The following SLC7A1 variants were observed in gnomAD, a reference collection of about 807,000 sequenced individuals.
SLC7A1 encodes the protein high affinity cationic amino acid transporter 1.
A neutral mutation model predicts 53.9 loss-of-function variants in SLC7A1; 10 were observed. The observed-to-expected ratio is 0.19, with a 90% CI of 0.11 to 0.31. The LOEUF is 0.31. SLC7A1 is among the 10% of genes least tolerant of loss of function. The probability of loss-of-function intolerance (pLI) is 1.00; values close to 1 mark genes in which losing one functional copy is unlikely to be tolerated. For synonymous variants in SLC7A1, 342 were observed against 338.7 expected, an observed-to-expected ratio of 1.01 and a Z score of -0.11; for missense variants, 525 against 827.2, an observed-to-expected ratio of 0.63 and a Z score of 4.48.
intron 1 of SLC7A1, among the ~76,000 whole-genome samples, chr13:29,563,963 C>T (rs1420633721): frequency 1.3e-5 from 2 of 152,150 alleles, no homozygotes; most frequent in Non-Finnish European, 2.9e-5. Flanking sequence ...GCTCTGCCGG[C>T]CAATGAGAAT....
At chr13:29,590,754 A>G (rs1429515447) in intron 1 of SLC7A1, among the ~76,000 whole-genome samples, 1 of 152,180 alleles carries the variant, frequency 6.6e-6, no homozygotes, top group East Asian at 1.9e-4. Flanking sequence ...AGGAAAGAGC[A>G]CAACATTTTA....
chr13:29,552,886 G>C (rs1054167399), intron 2 of SLC7A1, among the ~76,000 whole-genome samples: 1 of 152,154 alleles, frequency 6.6e-6, no homozygotes, highest in African/African-American at 2.4e-5. Flanking sequence ...CGCTGGGTTA[G>C]GGTCTCCGAC....
chr13:29,544,911 C>G (rs1248028708), intron 2 of SLC7A1, among the ~76,000 whole-genome samples: 1 of 151,808 alleles, frequency 6.6e-6, no homozygotes, highest in Non-Finnish European at 1.5e-5. Context: ...ACTCGGCCCC[C>G]TCAAGATGCT....
chr13:29,577,597 GC>G lies in SLC7A1; in HGVS notation c.-115+17818del, dbSNP rs550969102. 4.5e-4 allele frequency among the ~76,000 whole-genome samples: 69 copies of G among 152,350 alleles called. No individual in the cohort carries two copies. The South Asian group carries it at 0.014, about 31-fold the overall frequency. On this transcript the variant is annotated intron_variant, in intron 1 of 12. Transcript: ENST00000380752. ...AGAGAGTTGTGTCCACGCTGGGGCT[GC>G]AACTTGCTTTGCAATGACGTGCAGA...
chr13:29,526,048 C>A (rs1212122331), intron 5 of SLC7A1, among the ~76,000 whole-genome samples: 1 of 152,154 alleles, frequency 6.6e-6, no homozygotes, highest in African/African-American at 2.4e-5. Flanking sequence ...GAGGATGAGG[C>A]CAAGGGAGGA....
chr13:29,524,604 G>T (rs887406859), intron 5 of SLC7A1, among the ~76,000 whole-genome samples: 1 of 152,190 alleles, frequency 6.6e-6, no homozygotes, highest in African/African-American at 2.4e-5. Context: ...TCTCCCCAGG[G>T]CCCCTCGGAG....
chr13:29,544,845 G>C (rs930889281), intron 2 of SLC7A1, among the ~76,000 whole-genome samples: 1 of 139,274 alleles, frequency 7.2e-6, no homozygotes, highest in East Asian at 2.1e-4. Flanking sequence ...AGGGGGCACA[G>C]GTGACATCGC....
chr13:29,538,706 A>G (rs1360910574), intron 2 of SLC7A1, among the ~76,000 whole-genome samples: 1 of 152,250 alleles, frequency 6.6e-6, no homozygotes, highest in Non-Finnish European at 1.5e-5. Flanking sequence ...AAGCACAACA[A>G]AGCGTTTAGT....
At position 29,524,210 on chromosome 13, in the gene SLC7A1, A is replaced by G. The variant is rs1208707220; in HGVS notation, c.748T>C (p.Phe250Leu). 1.2e-6 allele frequency: 2 copies of G among 1,614,210 alleles called. No homozygotes were observed. The highest frequency in any genetic ancestry group is 2.2e-5 in the East Asian group (1 of 44,880). ...CCCGACAGGACACCAGAGAACCCGA[A>G]GGGCATGAATCCACCAACACCGGGC... The part of the protein sequence containing the change: ...GKPGVGGFMP[F>L]GFSGVLSGAA... Residue 250 changes from phenylalanine to leucine, a missense_variant, in exon 6 of 13, where the codon TTC becomes CTC. Transcript: ENST00000380752.
At chr13:29,592,006 C>T (rs1355759718) in intron 1 of SLC7A1, among the ~76,000 whole-genome samples, 1 of 152,112 alleles carries the variant, frequency 6.6e-6, no homozygotes, top group Non-Finnish European at 1.5e-5. Context: ...CAGGCTCTCC[C>T]AATATACAGA....
At chr13:29,526,069 A>C (rs994155361) in intron 5 of SLC7A1, among the ~76,000 whole-genome samples, 4 of 152,224 alleles carry the variant, frequency 2.6e-5, no homozygotes, top group Non-Finnish European at 5.9e-5. Flanking sequence ...GGGGAACTCA[A>C]GAGTCAAAAT....
chr13:29,542,649 TCCA>T (rs1869717230), intron 2 of SLC7A1, among the ~76,000 whole-genome samples: 1 of 143,100 alleles, frequency 7.0e-6, no homozygotes, highest in South Asian at 2.2e-4. Flanking sequence ...CACACCGCAC[TCCA>T]GCACTCCAGA....
At chr13:29,579,507 C>G (rs924752997) in intron 1 of SLC7A1, among the ~76,000 whole-genome samples, 4 of 152,100 alleles carry the variant, frequency 2.6e-5, no homozygotes, top group African/African-American at 9.7e-5. Context: ...ACTACAGGCA[C>G]ACACCACCAT....
chr13:29,532,802 T>C, intron 4 of SLC7A1, 22 bp downstream of exon 4: 1 of 1,596,910 alleles, frequency 6.3e-7, no homozygotes, highest in Non-Finnish European at 8.6e-7. Flanking sequence ...TGACCCGATC[T>C]CTTTTTAAGT....
In SLC7A1 at chr13:29,517,765, C is replaced by T. The variant is rs781595873; in HGVS notation, c.1318G>A (p.Val440Ile). 4 of 1,614,016 alleles carry T rather than the reference C, an allele frequency of 2.5e-6. No individual in the cohort carries two copies. Among genetic ancestry groups the T allele is most frequent in the Non-Finnish European group, 2.5e-6 (3 of 1,180,020 alleles). Residue 440 changes from valine to isoleucine, a missense_variant, in exon 10 of 13, where the codon GTA becomes ATA. Val to Ile is a conservative substitution (Grantham distance 29). Transcript: ENST00000380752. ...LRYQPEQPNLVYQMASTSDEL... is the reference protein window; with the variant it reads ...LRYQPEQPNLIYQMASTSDEL... ...TCGGAAGTACTGGCCATCTGGTATA[C>T]CAGGTTAGGCTGCTCTGGCTGGTAC... is the stretch of plus-strand genomic sequence containing the variant.
At chr13:29,519,023 C>T (rs1171768589) in intron 9 of SLC7A1, among the ~76,000 whole-genome samples, 2 of 152,188 alleles carry the variant, frequency 1.3e-5, no homozygotes, top group African/African-American at 2.4e-5. Context: ...CACAGCGCAA[C>T]GAAGCTGCAG....
At chr13:29,584,246 TG>T (rs1025670858) in intron 1 of SLC7A1, among the ~76,000 whole-genome samples, 1 of 152,128 alleles carries the variant, frequency 6.6e-6, no homozygotes, top group Non-Finnish European at 1.5e-5. Flanking sequence ...CCCTAGTAGC[TG>T]GGACCCAGCC....
At chr13:29,589,617 G>A (rs143261441) in intron 1 of SLC7A1, among the ~76,000 whole-genome samples, 35 of 152,326 alleles carry the variant, frequency 2.3e-4, no homozygotes, top group Non-Finnish European at 4.7e-4. Context: ...AAAGAGAGGG[G>A]AGGCAGGGTG....
intron 2 of SLC7A1, among the ~76,000 whole-genome samples, chr13:29,551,717 C>T (rs566997619): frequency 6.6e-6 from 1 of 152,314 alleles, no homozygotes; most frequent in Admixed American, 6.5e-5. Flanking sequence ...TAATTTAAGT[C>T]ATGCTACTAA....
Sources: allele counts gnomAD v4.1 joint callset (sites outside exome capture counted in the v4.1 genomes callset), GRCh38; gene constraint gnomAD v4.1.1; transcripts MANE v1.5; gene names NCBI Gene and HGNC (gene_info 2026-07-23, HGNC 2026-07-21).